Variants in CA13 observed in about 807,000 individuals in gnomAD.
CA13 encodes carbonic anhydrase 13.
In CA13, 21 loss-of-function variants were observed where a neutral mutation model predicts 31.5. The ratio of observed to expected loss-of-function variants is 0.67; its 90% CI spans 0.47 to 0.96. The LOEUF is 0.96. CA13 is among the 40% of genes least tolerant of loss of function. The probability of loss-of-function intolerance (pLI) is 0.00; values close to 1 mark genes in which losing one functional copy is unlikely to be tolerated. For synonymous variants in CA13, 117 were observed against 111.4 expected, an observed-to-expected ratio of 1.05 and a Z score of -0.32; for missense variants, 315 against 318.9, an observed-to-expected ratio of 0.99 and a Z score of 0.09.
chr8:85,280,422 C>T (rs1230875955), intron 6 of CA13, among the ~76,000 whole-genome samples: 13 of 152,176 alleles, frequency 8.5e-5, no homozygotes, highest in Admixed American at 6.5e-4. Context: ...CCTCTGCCCC[C>T]GTCCTGGTTA....
At chr8:85,257,918 C>G (rs1490109226) in intron 2 of CA13, among the ~76,000 whole-genome samples, 1 of 148,488 alleles carries the variant, frequency 6.7e-6, no homozygotes, top group African/African-American at 2.5e-5. Flanking sequence ...TGGTGTGAAC[C>G]ACCACACCCA....
chr8:85,261,055 GC>G (rs925209552), intron 3 of CA13, among the ~76,000 whole-genome samples: 5 of 152,130 alleles, frequency 3.3e-5, no homozygotes, highest in Non-Finnish European at 7.4e-5. Flanking sequence ...CAGATCAAGG[GC>G]CATTTTTGTA....
chr8:85,266,587 T>C (rs1363875067), intron 3 of CA13, 21 bp from the exon 4 acceptor site: 1 of 1,572,226 alleles, frequency 6.4e-7, no homozygotes, highest in Non-Finnish European at 8.7e-7. Context: ...ATTCCTACTA[T>C]GTTGTATATC....
At position 85,268,763 on chromosome 8, in the gene CA13, G is replaced by A. The variant is rs1807490126; in HGVS notation, c.669+136G>A. The A allele has an allele frequency of 4.3e-6, 3 of 699,736 alleles. No individual in the cohort carries two copies. In the African/African-American group the frequency reaches 5.4e-5, roughly 13 times the overall value. 43.3% of individuals were successfully genotyped at this position (699,736 alleles called of 1,614,324 possible). A position where few individuals can be genotyped will look rare whatever the true frequency, so the allele number is the denominator to read the frequency against. Reference sequence around the variant, plus strand: ...TCTTTATTCATCAGACGGGTCGTTGGGCTAGATGAGACCTATGTCCCTTTC... The same window carrying A: ...TCTTTATTCATCAGACGGGTCGTTGAGCTAGATGAGACCTATGTCCCTTTC... On this transcript the variant is annotated intron_variant, in intron 6 of 6. Coordinates refer to ENST00000321764, the MANE Select transcript of CA13 (RefSeq NM_198584.3).
chr8:85,275,260 G>A (rs1807585739), intron 6 of CA13, among the ~76,000 whole-genome samples: 1 of 152,170 alleles, frequency 6.6e-6, no homozygotes, highest in African/African-American at 2.4e-5. Flanking sequence ...GGTGACAGGG[G>A]CTTTCACCTA....
chr8:85,279,984 A>C (rs746946915), intron 6 of CA13, among the ~76,000 whole-genome samples: 14 of 152,152 alleles, frequency 9.2e-5, no homozygotes, highest in East Asian at 5.8e-4. Flanking sequence ...TAAAAAAAAA[A>C]CAAAAACCTC....
At chr8:85,246,998 C>A (rs1361042752) in intron 1 of CA13, among the ~76,000 whole-genome samples, 2 of 152,036 alleles carry the variant, frequency 1.3e-5, no homozygotes, top group African/African-American at 2.4e-5. Flanking sequence ...CTAATTGTAG[C>A]CTGTTTAATT....
At chr8:85,263,270 C>T (rs530472124) in intron 3 of CA13, among the ~76,000 whole-genome samples, 1 of 152,214 alleles carries the variant, frequency 6.6e-6, no homozygotes, top group South Asian at 2.1e-4. Flanking sequence ...ACATCGGGTA[C>T]TGTTGGGCAT....
rs117016839 is a variant in CA13 at position 85,280,825 on chromosome 8, A to G, written c.670-405A>G. ...ATTGGCATGCAAAGATGGCTAGGAT[A>G]TATACTAAGTGAAAAAATTAGGTTT... On this transcript the variant is annotated intron_variant, in intron 6 of 6. Coordinates refer to ENST00000321764, the MANE Select transcript of CA13 (RefSeq NM_198584.3). 9.4e-3 allele frequency among the ~76,000 whole-genome samples: 1,432 copies of G among 152,324 alleles called. 18 individuals are homozygous for G. The highest frequency in any genetic ancestry group is 0.063 in the East Asian group (327 of 5,184).
rs565575050 is a variant in CA13, at chr8:85,248,185, C to T, written c.37+2320C>T. 8.5e-5 allele frequency among the ~76,000 whole-genome samples: 13 copies of T among 152,168 alleles called. No homozygotes were observed. In the South Asian group the frequency reaches 1.0e-3, roughly 12 times the overall value. On this transcript the variant is annotated intron_variant, in intron 1 of 6. Transcript: ENST00000321764. Reference sequence around the variant, plus strand: ...AATTAAGAATTATGCTGGCTGGGCACGGTGGCTCATGCCTGTAATCCCAGC... The same window carrying T: ...AATTAAGAATTATGCTGGCTGGGCATGGTGGCTCATGCCTGTAATCCCAGC...
At chr8:85,281,183 T>C (rs970584982) in intron 6 of CA13, 47 bp from the exon 7 acceptor site, 16 of 1,597,240 alleles carry the variant, frequency 1.0e-5, no homozygotes, top group Admixed American at 1.7e-5. Flanking sequence ...TTCATTAATA[T>C]TGGTGGGAAT....
At chr8:85,253,936 G>A (rs1807237960) in intron 2 of CA13, among the ~76,000 whole-genome samples, 2 of 152,024 alleles carry the variant, frequency 1.3e-5, no homozygotes, top group African/African-American at 4.8e-5. Flanking sequence ...TTTACAATAT[G>A]TCAAACATTT....
chr8:85,247,433 A>G (rs1563998252), intron 1 of CA13, among the ~76,000 whole-genome samples: 1 of 152,194 alleles, frequency 6.6e-6, no homozygotes, highest in Non-Finnish European at 1.5e-5. Flanking sequence ...TTGTTCTGTT[A>G]GGAATTAGCC....
chr8:85,245,988 TTAAAC>T (rs33949682), intron 1 of CA13, 123 bp downstream of exon 1: 679,001 of 1,105,698 alleles, frequency 0.61, 212,771 homozygotes, highest in Non-Finnish European at 0.63. Context: ...CGGTTCCTCT[TTAAAC>T]TAAGCAGCAC....
In CA13 at chr8:85,276,262, G is replaced by A. The variant is rs7835882; in HGVS notation, c.670-4968G>A. The stretch of plus-strand genomic sequence containing the variant: ...CGGCCTTAGCTGCCTTCCTCCCCCC[G>A]GGGCAGGGCTCGGGACCTGCAGCCC... On this transcript the variant is annotated intron_variant, in intron 6 of 6. Transcript: ENST00000321764. 5.1e-3 allele frequency among the ~76,000 whole-genome samples: 772 copies of A among 152,170 alleles called. 11 individuals carry two copies. Among genetic ancestry groups the A allele is most frequent in the African/African-American group, 0.018 (728 of 41,516 alleles).
intron 2 of CA13, among the ~76,000 whole-genome samples, chr8:85,252,433 CT>C (rs33999561): frequency 0.61 from 93,058 of 151,896 alleles, 29,014 homozygotes; most frequent in Non-Finnish European, 0.65. Flanking sequence ...CCTATTAGTA[CT>C]TTTTTCTAGA....
intron 2 of CA13, among the ~76,000 whole-genome samples, chr8:85,253,300 C>CA (rs1346880574): frequency 1.0e-4 from 15 of 150,174 alleles, no homozygotes; most frequent in Non-Finnish European, 2.1e-4. Context: ...GGTCTCGCTC[C>CA]ATTGCCTAGG....
chr8:85,254,072 A>T (rs1017024313), intron 2 of CA13, among the ~76,000 whole-genome samples: 10 of 152,128 alleles, frequency 6.6e-5, no homozygotes, highest in African/African-American at 2.4e-4. Context: ...TGAGGTCAAG[A>T]TTTTGAGACC....
intron 6 of CA13, among the ~76,000 whole-genome samples, chr8:85,269,797 T>C (rs2129991075): frequency 6.6e-6 from 1 of 152,316 alleles, no homozygotes; most frequent in Non-Finnish European, 1.5e-5. Flanking sequence ...CTTGAACTCC[T>C]GGGCTCAAGC....
Sources: gnomAD v4.1 joint callset for allele counts (sites outside exome capture counted in the v4.1 genomes callset) on GRCh38, gnomAD v4.1.1 for gene constraint, MANE v1.5 for transcripts, NCBI Gene and HGNC (gene_info 2026-07-23, HGNC 2026-07-21) for gene names.